Variants in EYS observed in about 807,000 individuals in gnomAD.
EYS encodes the protein EGF-like photoreceptor maintenance factor.
Under a neutral mutation model 282.1 loss-of-function variants are expected in EYS, and 250 were observed. That is an observed-to-expected ratio of 0.89 (90% confidence interval 0.80 to 0.98). The LOEUF (loss-of-function observed/expected upper bound fraction) is 0.98. EYS is among the 50% of genes least tolerant of loss of function. The pLI is 0.00. For missense variants in EYS, 4,016 were observed against 3,709.0 expected (o/e 1.08, Z -2.15); for synonymous variants, 1,355 against 1,282.9 (o/e 1.06, Z -1.20).
rs181761140 is a variant in EYS at position 65,044,039 on chromosome 6, T to A, written c.2137+13575A>T. On this transcript the variant is annotated intron_variant, in intron 13 of 42. Transcript: ENST00000503581. ...TTTTTCCTGCATCCTCAACAAAACT[T>A]ATTATTTTTCACCTTTTGATAATAA... Among the ~76,000 whole-genome samples, 468 of 151,854 alleles carry A rather than the reference T, an allele frequency of 3.1e-3. 2 individuals carry two copies. The highest frequency in any genetic ancestry group is 0.011 in the African/African-American group (443 of 41,528).
rs577447754 is a variant in EYS at position 65,008,895 on chromosome 6, C to T, written c.2138-11192G>A. 2.0e-4 allele frequency among the ~76,000 whole-genome samples: 31 copies of T among 152,298 alleles called. No homozygotes were observed. The South Asian group carries it at 6.4e-3, about 32-fold the overall frequency. On this transcript the variant is annotated intron_variant, in intron 13 of 42. Transcript: ENST00000503581. ...GGACAACTGTCCTCCAGATCTGTCA[C>T]TATCCGAGGGGGTCCTAGGACAGCC...
At chr6:64,502,114 T>G (rs1362289259) in intron 26 of EYS, among the ~76,000 whole-genome samples, 1 of 152,220 alleles carries the variant, frequency 6.6e-6, no homozygotes, top group Non-Finnish European at 1.5e-5. Context: ...ACATTTGTGT[T>G]TCTTTTATAT....
chr6:64,272,888 T>C (rs548151947), intron 30 of EYS, among the ~76,000 whole-genome samples: 14 of 152,226 alleles, frequency 9.2e-5, no homozygotes, highest in African/African-American at 2.4e-4. Flanking sequence ...ATAAATTATA[T>C]TTTCTAAAAC....
chr6:64,114,299 G>A (rs2150268655), intron 31 of EYS, among the ~76,000 whole-genome samples: 1 of 152,112 alleles, frequency 6.6e-6, no homozygotes, highest in South Asian at 2.1e-4. Flanking sequence ...TATTTCTGGT[G>A]TTTATTGTTT....
chr6:65,521,878 T>C (rs139064703), intron 2 of EYS, among the ~76,000 whole-genome samples: 13 of 152,292 alleles, frequency 8.5e-5, no homozygotes, highest in East Asian at 7.7e-4. Flanking sequence ...TCTTGGTATA[T>C]AACGGATGTT....
chr6:63,991,986 G>A (rs1767626334), intron 34 of EYS, among the ~76,000 whole-genome samples: 1 of 151,730 alleles, frequency 6.6e-6, no homozygotes, highest in Non-Finnish European at 1.5e-5. Context: ...CAAGAATACT[G>A]TATTTGCCAA....
chr6:64,441,794 C>T (rs1253980104), intron 26 of EYS, among the ~76,000 whole-genome samples: 1 of 152,192 alleles, frequency 6.6e-6, no homozygotes, highest in East Asian at 1.9e-4. Context: ...AGGTGACTTG[C>T]TCCTCCTTGC....
At chr6:64,186,089 A>G (rs1764931857) in intron 31 of EYS, among the ~76,000 whole-genome samples, 1 of 152,142 alleles carries the variant, frequency 6.6e-6, no homozygotes, top group African/African-American at 2.4e-5. Context: ...GGTTATTACG[A>G]AGAAGAGCAC....
chr6:65,522,333 G>C (rs1767403457), intron 2 of EYS, among the ~76,000 whole-genome samples: 1 of 152,162 alleles, frequency 6.6e-6, no homozygotes, highest in Admixed American at 6.5e-5. Flanking sequence ...CAGCACAGTG[G>C]CTCATGCCTG....
At chr6:65,175,754 A>G (rs1170059393) in intron 12 of EYS, among the ~76,000 whole-genome samples, 1 of 151,488 alleles carries the variant, frequency 6.6e-6, no homozygotes, top group Non-Finnish European at 1.5e-5. Flanking sequence ...ACACTGAGTC[A>G]AAAGTTTTGT....
intron 5 of EYS, among the ~76,000 whole-genome samples, chr6:65,450,757 C>T (rs1025025463): frequency 2.6e-5 from 4 of 152,096 alleles, no homozygotes; most frequent in African/African-American, 7.2e-5. Flanking sequence ...ATAGGATACT[C>T]CCTGCGAAAT....
At chr6:64,532,206 G>A (rs1764364746) in intron 26 of EYS, among the ~76,000 whole-genome samples, 1 of 152,200 alleles carries the variant, frequency 6.6e-6, no homozygotes, top group Non-Finnish European at 1.5e-5. Flanking sequence ...AGTTTGGAAA[G>A]TTGACAGCTA....
chr6:64,145,054 A>G (rs992825553), intron 31 of EYS, among the ~76,000 whole-genome samples: 43 of 152,166 alleles, frequency 2.8e-4, no homozygotes, highest in Admixed American at 2.7e-3. Flanking sequence ...TTGTTATTCT[A>G]TGAACACAAA....
In EYS at chr6:64,468,866, G is replaced by C. The variant is rs185431263; in HGVS notation, c.5645-29514C>G. Among the ~76,000 whole-genome samples the C allele has an allele frequency of 1.3e-3, 191 of 152,268 alleles. 1 individual carries two copies. The highest frequency in any genetic ancestry group is 2.4e-3 in the Non-Finnish European group (165 of 68,028). On this transcript the variant is annotated intron_variant, in intron 26 of 42. Transcript: ENST00000503581. ...TTTCATGGCTGTGTAGTATTCCGTG[G>C]TGTATACATATCATGCTTTCTTTAT...
chr6:64,301,013 C>T (rs1049647956), intron 30 of EYS, among the ~76,000 whole-genome samples: 1 of 152,144 alleles, frequency 6.6e-6, no homozygotes, highest in South Asian at 2.1e-4. Context: ...TTACTAGCAG[C>T]CCCAACAGAG....
intron 12 of EYS, among the ~76,000 whole-genome samples, chr6:65,225,003 A>G (rs886657477): frequency 1.3e-5 from 2 of 152,098 alleles, no homozygotes; most frequent in African/African-American, 4.8e-5. Flanking sequence ...TTTTTCAGAT[A>G]ATATCAGAAA....
At chr6:64,025,472 G>A (rs566767640) in intron 33 of EYS, among the ~76,000 whole-genome samples, 7 of 152,048 alleles carry the variant, frequency 4.6e-5, no homozygotes, top group South Asian at 2.1e-4. Flanking sequence ...ACTTCCTCTC[G>A]CCTCTCTTCT....
chr6:65,561,713 T>C (rs1404514462), intron 2 of EYS, among the ~76,000 whole-genome samples: 1 of 152,050 alleles, frequency 6.6e-6, no homozygotes, highest in Non-Finnish European at 1.5e-5. Context: ...TATGTAGGGC[T>C]GTCAACGGTT....
intron 24 of EYS, among the ~76,000 whole-genome samples, chr6:64,597,099 G>T (rs1486920334): frequency 6.6e-6 from 1 of 152,002 alleles, no homozygotes; most frequent in African/African-American, 2.4e-5. Flanking sequence ...AAATGGCCAA[G>T]AAACGTATGA....
Sources: gnomAD v4.1 joint callset for allele counts (sites outside exome capture counted in the v4.1 genomes callset) on GRCh38, gnomAD v4.1.1 for gene constraint, MANE v1.5 for transcripts, NCBI Gene and HGNC (gene_info 2026-07-23, HGNC 2026-07-21) for gene names.